CWC27: variants seen among roughly 807,000 people sequenced by gnomAD.
CWC27 encodes CWC27 spliceosome associated cyclophilin.
A neutral mutation model predicts 63.6 loss-of-function variants in CWC27; 47 were observed. The observed-to-expected ratio is 0.74, with a 90% CI of 0.58 to 0.94. CWC27 has a LOEUF of 0.94. Ranked by LOEUF, CWC27 falls within the 40% of genes least tolerant of loss-of-function variation. CWC27 has a pLI of 0.00. For missense variants in CWC27, 495 were observed against 554.3 expected (o/e 0.89, Z 1.07); for synonymous variants, 175 against 179.8 (o/e 0.97, Z 0.22).
chr5:64,774,615 GCTA>G, intron 1 of CWC27, 73 bp from the exon 2 acceptor site: 1 of 832,402 alleles, frequency 1.2e-6, no homozygotes, highest in Non-Finnish European at 1.8e-6. Flanking sequence ...ACTAGTGATT[GCTA>G]CAAGTCAAAT....
Position 64,831,511 on chromosome 5 carries a change from T to TAGATAGAC in CWC27, c.938+27128_938+27129insTAGACAGA, listed in dbSNP as rs1462221003. ...ATAGATAGATAGATAGATAGATAGA[T>TAGATAGAC]AGACAGACACATAGATAGATATGGA... is the stretch of plus-strand genomic sequence containing the variant. On this transcript the variant is annotated intron_variant, in intron 10 of 13. Coordinates refer to ENST00000381070, the MANE Select transcript of CWC27 (RefSeq NM_005869.4). Among the ~76,000 whole-genome samples, 485 of 151,784 alleles carry TAGATAGAC rather than the reference T, an allele frequency of 3.2e-3. 4 individuals are homozygous for TAGATAGAC. The highest frequency in any genetic ancestry group is 0.011 in the African/African-American group (435 of 41,340).
At chr5:65,014,988 T>C (rs1036549027) in intron 13 of CWC27, among the ~76,000 whole-genome samples, 1 of 152,228 alleles carries the variant, frequency 6.6e-6, no homozygotes, top group African/African-American at 2.4e-5. Context: ...AGGTTTGTTA[T>C]TAATCAAAAT....
intron 11 of CWC27, among the ~76,000 whole-genome samples, chr5:64,899,690 G>GC (rs1316683638): frequency 6.6e-6 from 1 of 152,144 alleles, no homozygotes; most frequent in Non-Finnish European, 1.5e-5. Flanking sequence ...ATTTGTAATA[G>GC]CTTTATTGAA....
At chr5:64,835,748 T>C (rs1328262044) in intron 10 of CWC27, among the ~76,000 whole-genome samples, 1 of 151,874 alleles carries the variant, frequency 6.6e-6, no homozygotes, top group Admixed American at 6.6e-5. Context: ...CAAAATTGAT[T>C]AGACTTTTCT....
intron 12 of CWC27, among the ~76,000 whole-genome samples, chr5:64,974,202 C>A (rs1455879099): frequency 6.6e-6 from 1 of 151,874 alleles, no homozygotes; most frequent in Non-Finnish European, 1.5e-5. Flanking sequence ...TGTACCATTG[C>A]ACTCCAGCCT....
At chr5:64,948,139 G>A (rs984866664) in intron 11 of CWC27, among the ~76,000 whole-genome samples, 7 of 151,998 alleles carry the variant, frequency 4.6e-5, no homozygotes, top group Non-Finnish European at 7.4e-5. Context: ...GGCAGGTCTA[G>A]TCTCTAGGTT....
At chr5:64,851,184 G>A (rs375254165) in intron 10 of CWC27, among the ~76,000 whole-genome samples, 1 of 152,144 alleles carries the variant, frequency 6.6e-6, no homozygotes, top group African/African-American at 2.4e-5. Context: ...AGGAAAATGT[G>A]GTGTATTGTG....
chr5:65,009,968 A>T (rs1322613013), intron 13 of CWC27, among the ~76,000 whole-genome samples: 1 of 152,244 alleles, frequency 6.6e-6, no homozygotes, highest in East Asian at 1.9e-4. Flanking sequence ...TGAGGTAAAT[A>T]GGTTGCACAT....
At chr5:64,998,312 T>G (rs1749674699) in intron 13 of CWC27, among the ~76,000 whole-genome samples, 1 of 152,144 alleles carries the variant, frequency 6.6e-6, no homozygotes, top group South Asian at 2.1e-4. Flanking sequence ...GTCTACTGGC[T>G]GTAGGTTAAA....
At chr5:64,916,475 A>T (rs1334075233) in intron 11 of CWC27, among the ~76,000 whole-genome samples, 1 of 152,178 alleles carries the variant, frequency 6.6e-6, no homozygotes, top group Non-Finnish European at 1.5e-5. Context: ...ATACTTAGGT[A>T]ACACACAAAA....
chr5:64,821,111 A>G (rs1745186423), intron 10 of CWC27, among the ~76,000 whole-genome samples: 1 of 141,132 alleles, frequency 7.1e-6, no homozygotes, highest in Non-Finnish European at 1.5e-5. Context: ...TTTTTGAGAG[A>G]GTCTCACTCT....
intron 13 of CWC27, among the ~76,000 whole-genome samples, chr5:64,984,187 T>C (rs1416243801): frequency 1.3e-5 from 2 of 152,184 alleles, no homozygotes; most frequent in South Asian, 2.1e-4. Flanking sequence ...CACAAAATAA[T>C]GTCCTACTGA....
chr5:64,969,612 CT>C (rs1309130169), intron 11 of CWC27, among the ~76,000 whole-genome samples: 1 of 150,906 alleles, frequency 6.6e-6, no homozygotes, highest in African/African-American at 2.5e-5. Context: ...CTAAGTGTAT[CT>C]TTGAAAGATA....
intron 13 of CWC27, among the ~76,000 whole-genome samples, chr5:65,011,991 T>A (rs1206192752): frequency 2.0e-5 from 3 of 152,224 alleles, no homozygotes; most frequent in African/African-American, 7.2e-5. Context: ...AGCATTCACC[T>A]AAAAGAGTTG....
At chr5:64,950,515 C>T (rs887178376) in intron 11 of CWC27, among the ~76,000 whole-genome samples, 3 of 151,916 alleles carry the variant, frequency 2.0e-5, no homozygotes, top group African/African-American at 4.8e-5. Flanking sequence ...TTACCAAATA[C>T]GGATTTCAGA....
intron 10 of CWC27, among the ~76,000 whole-genome samples, chr5:64,849,555 C>T (rs1746080186): frequency 6.6e-6 from 1 of 151,954 alleles, no homozygotes; most frequent in African/African-American, 2.4e-5. Context: ...AGAGTTCTCA[C>T]AAGATCTAGT....
At chr5:64,870,827 T>C (rs1197707450) in intron 10 of CWC27, among the ~76,000 whole-genome samples, 3 of 152,176 alleles carry the variant, frequency 2.0e-5, no homozygotes, top group South Asian at 2.1e-4. Context: ...TTTGGTGGCA[T>C]GTACACATAT....
At chr5:64,901,708 T>C (rs1450691150) in intron 11 of CWC27, among the ~76,000 whole-genome samples, 1 of 152,248 alleles carries the variant, frequency 6.6e-6, no homozygotes, top group Non-Finnish European at 1.5e-5. Flanking sequence ...TTTTACTTTA[T>C]GAACTTTTTA....
intron 10 of CWC27, among the ~76,000 whole-genome samples, chr5:64,824,706 G>A (rs2112252605): frequency 6.6e-6 from 1 of 150,880 alleles, no homozygotes; most frequent in Non-Finnish European, 1.5e-5. Context: ...CACCCCCCAG[G>A]GGAAGTGTTC....
Sources: allele counts gnomAD v4.1 joint callset (sites outside exome capture counted in the v4.1 genomes callset), GRCh38; gene constraint gnomAD v4.1.1; transcripts MANE v1.5; gene names NCBI Gene and HGNC (gene_info 2026-07-23, HGNC 2026-07-21).